The following ZNF462 variants were observed in gnomAD, a reference collection of about 807,000 sequenced individuals.
ZNF462 encodes the protein zinc finger protein 462, also known as zinc finger PBX1-interacting protein.
ZNF462 carries 10 observed loss-of-function variants against 201.9 expected under a neutral mutation model. That is an observed-to-expected ratio of 0.05 (90% CI 0.03 to 0.08). The LOEUF (loss-of-function observed/expected upper bound fraction) is 0.08. Ranked by LOEUF, ZNF462 falls within the 10% of genes least tolerant of loss-of-function variation. ZNF462 has a pLI of 1.00. For synonymous variants in ZNF462, 1,227 were observed against 1,193.3 expected, an observed-to-expected ratio of 1.03 and a Z score of -0.58; for missense variants, 2,523 against 3,168.3, an observed-to-expected ratio of 0.80 and a Z score of 4.89.
At chr9:106,891,187 A>G (rs1022042582) in intron 1 of ZNF462, among the ~76,000 whole-genome samples, 1 of 152,240 alleles carries the variant, frequency 6.6e-6, no homozygotes, top group African/African-American at 2.4e-5. Flanking sequence ...GAGACAAAAA[A>G]GAAAAATGCA....
intron 1 of ZNF462, among the ~76,000 whole-genome samples, chr9:106,868,181 A>G (rs1281713037): frequency 6.6e-6 from 1 of 152,152 alleles, no homozygotes; most frequent in Non-Finnish European, 1.5e-5. Flanking sequence ...TTGGTGACCT[A>G]TTAATTGATT....
chr9:106,923,616 T>C lies in ZNF462; in HGVS notation c.220+13T>C, dbSNP rs1260145284. The C allele has an allele frequency of 1.2e-6, 2 of 1,611,848 alleles. No individual in the cohort carries two copies. Among genetic ancestry groups the C allele is most frequent in the Admixed American group, 1.7e-5 (1 of 60,030 alleles). The stretch of plus-strand genomic sequence containing the variant: ...GAAGATTTATCAGGTAAATCTATAC[T>C]AAACTTGGCACGGCCGATGTATTTT... On this transcript the variant is annotated intron_variant, in intron 2 of 12. Coordinates refer to ENST00000277225, the MANE Select transcript of ZNF462 (RefSeq NM_021224.6). This position sits in a 1 kb window ranked among gnomAD's most constrained non-coding sequence, Gnocchi z 5.6.
intron 1 of ZNF462, among the ~76,000 whole-genome samples, chr9:106,899,446 C>T (rs1380189194): frequency 2.6e-5 from 4 of 152,072 alleles, no homozygotes; most frequent in South Asian, 4.2e-4. Context: ...GACATGGGAG[C>T]GCCACTTCCA....
intron 1 of ZNF462, among the ~76,000 whole-genome samples, chr9:106,888,082 C>G (rs1828402816): frequency 2.0e-5 from 3 of 150,536 alleles, no homozygotes; most frequent in Admixed American, 2.0e-4. Flanking sequence ...CCCTCTGTCG[C>G]TCAGGCTGGA....
In ZNF462 at chr9:106,984,451, G is replaced by T. The variant is rs201662740; in HGVS notation, c.7056+42G>T. 8.2e-4 allele frequency: 1,259 copies of T among 1,540,400 alleles called. 1 individual carries two copies. Among genetic ancestry groups the T allele is most frequent in the Non-Finnish European group, 8.8e-4 (991 of 1,130,156 alleles). On this transcript the variant is annotated intron_variant, in intron 10 of 12. Coordinates refer to ENST00000277225, the MANE Select transcript of ZNF462 (RefSeq NM_021224.6). This position sits in a 1 kb window ranked among gnomAD's most constrained non-coding sequence, Gnocchi z 6.4. Reference sequence around the variant, plus strand: ...CCTGCTCCCGCCTCAGCACACTTGTGGGGAGGGGCCAAGGGGGAGACACCA... The same window carrying T: ...CCTGCTCCCGCCTCAGCACACTTGTTGGGAGGGGCCAAGGGGGAGACACCA...
intron 1 of ZNF462, among the ~76,000 whole-genome samples, chr9:106,878,534 G>A (rs1360084922): frequency 6.6e-6 from 1 of 152,196 alleles, no homozygotes; most frequent in African/African-American, 2.4e-5. Context: ...CTCCTTTTGA[G>A]TGAGTACTAA....
chr9:106,893,117 T>G lies in ZNF462; in HGVS notation c.-31+29762T>G, dbSNP rs144559728. ...GCAGAGCTCTTTAGAAATCAGACCA[T>G]GGCTTTCAGTATACATTATATAAAT... On this transcript the variant is annotated intron_variant, in intron 1 of 12. Transcript: ENST00000277225. Among the ~76,000 whole-genome samples the G allele has an allele frequency of 4.3e-3, 660 of 152,356 alleles. 6 individuals carry two copies. The highest frequency in any genetic ancestry group is 0.015 in the African/African-American group (626 of 41,580).
At chr9:106,884,532 C>T (rs1828236372) in intron 1 of ZNF462, among the ~76,000 whole-genome samples, 1 of 151,992 alleles carries the variant, frequency 6.6e-6, no homozygotes, top group African/African-American at 2.4e-5. Context: ...CATACTGCAA[C>T]CACCACCATC....
rs1194768309 is a variant in ZNF462 at position 106,928,786 on chromosome 9, C to T, written c.4874C>T (p.Thr1625Ile). The change falls in exon 3 of 13, where the codon ACT becomes ATT. Residue 1625 changes from threonine (T) to isoleucine (I), a missense_variant. Around this residue, in one of 15 missense-constraint regions of ZNF462, gnomAD observed 200 missense variants for 281.3 expected, o/e 0.71. Coordinates refer to ENST00000277225, the MANE Select transcript of ZNF462 (RefSeq NM_021224.6). This position sits in a 1 kb window ranked among gnomAD's most constrained non-coding sequence, Gnocchi z 9.3. The part of the protein sequence containing the change: ...LPVPLEPEMT[T>I]EVSPSQVSIT... ...GTCCCCCTCGAGCCCGAGATGACCA[C>T]TGAAGTGAGCCCTTCCCAAGTCTCC... The T allele has an allele frequency of 6.2e-7, 1 of 1,614,058 alleles. No homozygotes were observed. The highest frequency in any genetic ancestry group is 8.5e-7 in the Non-Finnish European group (1 of 1,180,036).
rs550146050 is a variant in ZNF462, at chr9:107,008,629, T to C, written c.7190-916T>C. Among the ~76,000 whole-genome samples, 363 of 152,308 alleles carry C rather than the reference T, an allele frequency of 2.4e-3. 1 individual carries two copies. The highest frequency in any genetic ancestry group is 3.7e-3 in the Non-Finnish European group (250 of 68,030). ...GCCCTCTGTGGTATAATGAAACACA[T>C]ATGGGCTAGGAACTCGGGCTAACAC... On this transcript the variant is annotated intron_variant, in intron 11 of 12. Coordinates refer to ENST00000277225, the MANE Select transcript of ZNF462 (RefSeq NM_021224.6). This position sits in a 1 kb window ranked among gnomAD's most constrained non-coding sequence, Gnocchi z 4.8.
In ZNF462 at chr9:106,930,754, T is replaced by G; in HGVS notation, c.6012+65T>G. 1 of 1,579,626 alleles carries G rather than the reference T, an allele frequency of 6.3e-7. No homozygotes were observed. The highest frequency in any genetic ancestry group is 1.7e-5 in the Admixed American group (1 of 58,826). On this transcript the variant is annotated intron_variant, in intron 4 of 12. Transcript: ENST00000277225. The surrounding 1 kb of genome is among the most constrained non-coding windows in gnomAD (Gnocchi z 5.8). ...GATTCGAGTTACTTATTAACCCCAT[T>G]GCCTAAAGCAGCTCAGGAAAGAGCA...
At chr9:106,874,268 G>A (rs990939949) in intron 1 of ZNF462, among the ~76,000 whole-genome samples, 3 of 152,184 alleles carry the variant, frequency 2.0e-5, no homozygotes, top group African/African-American at 7.2e-5. Flanking sequence ...GTGACCCTAG[G>A]CAGTAGGGCC....
In ZNF462 at chr9:106,927,881, G is replaced by T; in HGVS notation, c.3969G>T (p.Glu1323Asp). The change falls in exon 3 of 13, where the codon GAG (glutamate) becomes GAT (aspartate). Residue 1323 changes from glutamate to aspartate, a missense_variant. Glu to Asp is a conservative substitution (Grantham distance 45). Around this residue, in one of 15 missense-constraint regions of ZNF462, gnomAD observed 222 missense variants for 271.6 expected, o/e 0.82. Transcript: ENST00000277225. ...AGTGGTGCATCTACTCCCATACGGAGCCCAACGGTTTGCTCCTGCATTACC... is the reference window on the plus strand; with the variant it reads ...AGTGGTGCATCTACTCCCATACGGATCCCAACGGTTTGCTCCTGCATTACC... The part of the protein sequence containing the change: ...HCEWCIYSHT[E>D]PNGLLLHYQR... The T allele has an allele frequency of 6.2e-7, 1 of 1,614,154 alleles. No individual in the cohort carries two copies. The highest frequency in any genetic ancestry group is 8.5e-7 in the Non-Finnish European group (1 of 1,180,042).
Position 106,927,875 on chromosome 9 carries a change from T to C in ZNF462, c.3963T>C (p.His1321=). The change falls in exon 3 of 13, where the codon CAT becomes CAC. Residue 1321 remains histidine (H), a synonymous_variant. Transcript: ENST00000277225. The stretch of plus-strand genomic sequence containing the variant: ...ACTGCGAGTGGTGCATCTACTCCCA[T>C]ACGGAGCCCAACGGTTTGCTCCTGC... ...GYHCEWCIYS[H]TEPNGLLLHY... 5 of 1,614,148 alleles carry C rather than the reference T, an allele frequency of 3.1e-6. No homozygotes were observed. The South Asian group carries it at 5.5e-5, about 18-fold the overall frequency.
chr9:106,998,817 C>T (rs546350023), intron 10 of ZNF462, among the ~76,000 whole-genome samples: 8 of 152,130 alleles, frequency 5.3e-5, no homozygotes, highest in East Asian at 1.9e-4. Context: ...CCATGTTGGC[C>T]AGGCTGGTCT....
intron 1 of ZNF462, among the ~76,000 whole-genome samples, chr9:106,867,146 C>A (rs1056290340): frequency 6.6e-6 from 1 of 152,158 alleles, no homozygotes; most frequent in Non-Finnish European, 1.5e-5. Flanking sequence ...AAGACACATC[C>A]ATCTCTGATG....
chr9:106,921,859 T>C (rs1000783291), intron 1 of ZNF462, among the ~76,000 whole-genome samples: 11 of 152,330 alleles, frequency 7.2e-5, no homozygotes, highest in Admixed American at 2.6e-4. Context: ...CTTGTGTATC[T>C]GGAATATTGA....
At chr9:106,903,791 C>G (rs964412274) in intron 1 of ZNF462, among the ~76,000 whole-genome samples, 1 of 152,036 alleles carries the variant, frequency 6.6e-6, no homozygotes, top group Non-Finnish European at 1.5e-5. Flanking sequence ...TTTTCCACCC[C>G]TTTAAATTTA....
At position 106,929,628 on chromosome 9, in the gene ZNF462, G is replaced by C; in HGVS notation, c.5716G>C (p.Glu1906Gln). 2.5e-6 allele frequency: 4 copies of C among 1,614,158 alleles called. No individual in the cohort carries two copies. Among genetic ancestry groups the C allele is most frequent in the Non-Finnish European group, 3.4e-6 (4 of 1,180,044 alleles). ...HCDSKLQSTA[E>Q]LTSHLNIHNE... ...TGATAGCAAACTGCAAAGCACAGCC[G>C]AGCTGACCTCACACTTGAACATTCA... is the stretch of plus-strand genomic sequence containing the variant. The change falls in exon 3 of 13, where the codon GAG becomes CAG. Residue 1906 changes from glutamate (E) to glutamine (Q), a missense_variant. Glu to Gln is a conservative substitution (Grantham distance 29). Coordinates refer to ENST00000277225, the MANE Select transcript of ZNF462 (RefSeq NM_021224.6). This position sits in a 1 kb window ranked among gnomAD's most constrained non-coding sequence, Gnocchi z 8.7.
Sources: allele counts gnomAD v4.1 joint callset (sites outside exome capture counted in the v4.1 genomes callset), GRCh38; gene constraint gnomAD v4.1.1; regional missense constraint gnomAD v4.1.1; non-coding constraint Gnocchi (gnomAD v3.1); transcripts MANE v1.5; gene names NCBI Gene and HGNC (gene_info 2026-07-23, HGNC 2026-07-21).